The following SKA3 variants were observed in gnomAD, a reference collection of about 807,000 sequenced individuals.
SKA3 encodes spindle and kinetochore associated complex subunit 3.
A neutral mutation model predicts 44.2 loss-of-function variants in SKA3; 39 were observed. The ratio of observed to expected loss-of-function variants is 0.88; its 90% CI spans 0.68 to 1.15. The LOEUF is 1.15. Ranked by LOEUF, SKA3 falls within the 50% of genes most tolerant of loss-of-function variation. The pLI, the probability that SKA3 is intolerant of heterozygous loss-of-function variation, is 0.00. For synonymous variants in SKA3, 192 were observed against 172.0 expected (o/e 1.12, Z -0.91); for missense variants, 511 against 485.8 (o/e 1.05, Z -0.49).
intron 4 of SKA3, among the ~76,000 whole-genome samples, chr13:21,162,953 T>C (rs1052729004): frequency 1.3e-5 from 2 of 151,928 alleles, no homozygotes; most frequent in African/African-American, 2.4e-5. Flanking sequence ...CAGGCTGAGG[T>C]GGAAGAACCA....
At chr13:21,159,469 CAT>C (rs1870314452) in intron 6 of SKA3, among the ~76,000 whole-genome samples, 1 of 152,016 alleles carries the variant, frequency 6.6e-6, no homozygotes, top group South Asian at 2.1e-4. Context: ...CATCATTTTC[CAT>C]ATGATTAATA....
rs779235052 is a variant in SKA3, at chr13:21,159,924, G to C, written c.893C>G (p.Ser298Cys). 1 of 1,608,492 alleles carries C rather than the reference G, an allele frequency of 6.2e-7. No individual in the cohort carries two copies. Among genetic ancestry groups the C allele is most frequent in the South Asian group, 1.1e-5 (1 of 90,136 alleles). ...TFCTPGLKIP[S>C]TKNSIALVST... is the part of the protein sequence containing the mutation. Reference sequence around the variant, plus strand: ...TACCAAAGCTATGCTGTTCTTTGTAGATGGAATTTTCAAACCAGGAGTACA... The same window carrying C: ...TACCAAAGCTATGCTGTTCTTTGTACATGGAATTTTCAAACCAGGAGTACA... The change falls in exon 6 of 9, where the codon TCT (serine) becomes TGT (cysteine). Residue 298 changes from serine to cysteine, a missense_variant. Ser to Cys is a moderately radical substitution (Grantham distance 112, BLOSUM62 -1). Transcript: ENST00000314759.
In SKA3 at chr13:21,164,039, C is replaced by T. The variant is rs180679009; in HGVS notation, c.744-2164G>A. On this transcript the variant is annotated intron_variant, in intron 4 of 8. Transcript: ENST00000314759. Reference sequence around the variant, plus strand: ...TTGGCCTCCCAAAGTGTTTGGATTACAGGCATGAGCCACCACGCCCGGCCT... The same window carrying T: ...TTGGCCTCCCAAAGTGTTTGGATTATAGGCATGAGCCACCACGCCCGGCCT... 3.2e-3 allele frequency among the ~76,000 whole-genome samples: 484 copies of T among 152,312 alleles called. 3 individuals carry two copies. The highest frequency in any genetic ancestry group is 0.011 in the African/African-American group (458 of 41,560).
At chr13:21,158,359 A>G (rs923718396) in intron 6 of SKA3, among the ~76,000 whole-genome samples, 3 of 152,100 alleles carry the variant, frequency 2.0e-5, no homozygotes, top group African/African-American at 7.2e-5. Flanking sequence ...GTGGTGGCTC[A>G]TGCCTGTAAT....
intron 1 of SKA3, among the ~76,000 whole-genome samples, chr13:21,175,467 G>A (rs1200981459): frequency 6.6e-6 from 1 of 151,732 alleles, no homozygotes; most frequent in Non-Finnish European, 1.5e-5. Context: ...TAGTAGAGAC[G>A]GGGTTTCACC....
At chr13:21,170,345 A>G (rs9506629) in intron 3 of SKA3, among the ~76,000 whole-genome samples, 2,706 of 151,998 alleles carry the variant, frequency 0.018, 42 homozygotes, top group Non-Finnish European at 0.02. Context: ...ACACCCAGCT[A>G]ATTTTCGTAT....
intron 8 of SKA3, 134 bp from the exon 9 acceptor site, chr13:21,155,284 T>C (rs1870048155): frequency 1.5e-6 from 1 of 677,940 alleles, no homozygotes; most frequent in African/African-American, 1.8e-5. Context: ...ATCATTAAAC[T>C]GGATAATTCG....
intron 8 of SKA3, 31 bp downstream of exon 8, chr13:21,155,662 T>A: frequency 1.0e-6 from 1 of 952,580 alleles, no homozygotes; most frequent in Non-Finnish European, 1.5e-6. Flanking sequence ...AAATAACACA[T>A]GAACTTTCTT....
intron 6 of SKA3, 31 bp from the exon 7 acceptor site, chr13:21,158,156 G>T: frequency 9.6e-7 from 1 of 1,042,060 alleles, no homozygotes; most frequent in South Asian, 1.8e-5. Flanking sequence ...ATTAAATTAT[G>T]GTAATATAAC....
chr13:21,161,534 T>C (rs879627797), intron 5 of SKA3, among the ~76,000 whole-genome samples: 59 of 152,214 alleles, frequency 3.9e-4, no homozygotes, highest in Non-Finnish European at 5.4e-4. Flanking sequence ...TATTGGTGAA[T>C]ATGTAAGTTT....
chr13:21,165,033 T>TAA (rs1870631536), intron 4 of SKA3, among the ~76,000 whole-genome samples: 1 of 152,082 alleles, frequency 6.6e-6, no homozygotes, highest in South Asian at 2.1e-4. Context: ...TATATTTTCT[T>TAA]TTATTTTTTA....
In SKA3 at chr13:21,159,891, T is replaced by C. The variant is rs1163218252; in HGVS notation, c.915+11A>G. On this transcript the variant is annotated intron_variant, in intron 6 of 8. Transcript: ENST00000314759. Reference sequence around the variant, plus strand: ...AGAAAGACTGTGGCTTTCAATTTTATGGAAAGTTACCAAAGCTATGCTGTT... The same window carrying C: ...AGAAAGACTGTGGCTTTCAATTTTACGGAAAGTTACCAAAGCTATGCTGTT... 2 of 1,594,038 alleles carry C rather than the reference T, an allele frequency of 1.3e-6. No homozygotes were observed. The highest frequency in any genetic ancestry group is 1.7e-6 in the Non-Finnish European group (2 of 1,170,984).
At chr13:21,173,984 G>T (rs1451663629) in intron 1 of SKA3, among the ~76,000 whole-genome samples, 7 of 152,140 alleles carry the variant, frequency 4.6e-5, no homozygotes, top group African/African-American at 1.7e-4. Context: ...AAGTGCATTT[G>T]TTCCTGCTCA....
At chr13:21,167,017 T>C (rs920266686) in intron 4 of SKA3, among the ~76,000 whole-genome samples, 1 of 152,222 alleles carries the variant, frequency 6.6e-6, no homozygotes, top group Non-Finnish European at 1.5e-5. Context: ...GTATTTTCAT[T>C]GTAACTCTTA....
chr13:21,161,868 C>A lies in SKA3; in HGVS notation c.751G>T (p.Ala251Ser). Residue 251 changes from alanine to serine, a missense_variant, in exon 5 of 9, where the codon GCC (alanine) becomes TCC (serine). Transcript: ENST00000314759. ...TTGAGCCTGGATTCTGTATCTATGG[C>A]CTCCTCACTGGTGTGATTCATAGGG... ...KNARNNKSEE[A>S]IDTESRLNDN... 6.2e-7 allele frequency: 1 copy of A among 1,608,744 alleles called. No individual in the cohort carries two copies. The highest frequency in any genetic ancestry group is 8.5e-7 in the Non-Finnish European group (1 of 1,176,538).
rs1330807529 is a variant in SKA3 at position 21,168,304 on chromosome 13, C to A, written c.427G>T (p.Val143Phe). ...DVKDDLSDPPVASSCISEKSP... is the reference protein window; with the variant it reads ...DVKDDLSDPPFASSCISEKSP... The stretch of plus-strand genomic sequence containing the variant: ...TTCTCAGAAATACAACTGCTTGCAA[C>A]AGGAGGATCAGACAGATCATCTTTC... Residue 143 changes from valine (V) to phenylalanine (F), a missense_variant, in exon 4 of 9, where the codon GTT (valine) becomes TTT (phenylalanine). Transcript: ENST00000314759. 1 of 1,614,180 alleles carries A rather than the reference C, an allele frequency of 6.2e-7. No individual in the cohort carries two copies. The highest frequency in any genetic ancestry group is 1.7e-5 in the Admixed American group (1 of 60,022).
chr13:21,161,781 T>C lies in SKA3; in HGVS notation c.829+9A>G. 8.3e-7 allele frequency: 1 copy of C among 1,197,992 alleles called. No homozygotes were observed. Among genetic ancestry groups the C allele is most frequent in the Non-Finnish European group, 1.1e-6 (1 of 896,192 alleles). The allele number at this position is 1,197,992 out of a possible 1,614,324, so 74.2% of individuals were successfully genotyped here. On this transcript the variant is annotated intron_variant, in intron 5 of 8. Coordinates refer to ENST00000314759, the MANE Select transcript of SKA3 (RefSeq NM_145061.6). ...TGTTCCTGAGAAGTAACTTGATTCT[T>C]ATACTTACCACTTTTTTCCAACTGC...
chr13:21,173,974 A>C (rs1435495461), intron 1 of SKA3, among the ~76,000 whole-genome samples: 1 of 152,238 alleles, frequency 6.6e-6, no homozygotes, highest in Non-Finnish European at 1.5e-5. Flanking sequence ...AGTGCATAAG[A>C]AGTGCATTTG....
chr13:21,159,371 T>G (rs1370582218), intron 6 of SKA3, among the ~76,000 whole-genome samples: 1 of 152,160 alleles, frequency 6.6e-6, no homozygotes, highest in Non-Finnish European at 1.5e-5. Context: ...CACCCATAAT[T>G]TATCACCCAG....
Sources: allele counts gnomAD v4.1 joint callset (sites outside exome capture counted in the v4.1 genomes callset), GRCh38; gene constraint gnomAD v4.1.1; transcripts MANE v1.5; gene names NCBI Gene and HGNC (gene_info 2026-07-23, HGNC 2026-07-21).